Variants in CTIF observed in about 807,000 individuals in gnomAD.
CTIF encodes cap binding complex dependent translation initiation factor, also known as CBP80/20-dependent translation initiation factor.
In CTIF, 21 loss-of-function variants were observed where a neutral mutation model predicts 66.0. The ratio of observed to expected loss-of-function variants is 0.32; its 90% CI spans 0.23 to 0.46. The LOEUF (loss-of-function observed/expected upper bound fraction) is 0.46. CTIF is among the 20% of genes least tolerant of loss of function. The probability of loss-of-function intolerance (pLI) is 1.00; values close to 1 mark genes in which losing one functional copy is unlikely to be tolerated. For synonymous variants in CTIF, 345 were observed against 326.4 expected (o/e 1.06, Z -0.62); for missense variants, 739 against 812.7 (o/e 0.91, Z 1.10).
intron 10 of CTIF, among the ~76,000 whole-genome samples, chr18:48,821,301 C>G (rs1241612922): frequency 6.6e-6 from 1 of 152,218 alleles, no homozygotes; most frequent in Non-Finnish European, 1.5e-5. Context: ...TGCATGGACG[C>G]CTCCATCTCA....
At chr18:48,657,416 T>C (rs556911970) in intron 3 of CTIF, among the ~76,000 whole-genome samples, 1 of 152,188 alleles carries the variant, frequency 6.6e-6, no homozygotes, top group Non-Finnish European at 1.5e-5. Context: ...ATGAGGACCA[T>C]TTAGAGGAAT....
intron 6 of CTIF, among the ~76,000 whole-genome samples, chr18:48,710,178 A>T (rs76592624): frequency 4.6e-4 from 70 of 152,322 alleles, no homozygotes; most frequent in African/African-American, 1.6e-3. Context: ...CATGTGCCCC[A>T]CCACAGGGTG....
intron 9 of CTIF, among the ~76,000 whole-genome samples, chr18:48,783,102 A>T (rs915565574): frequency 7.2e-5 from 11 of 151,948 alleles, no homozygotes; most frequent in Non-Finnish European, 1.3e-4. Flanking sequence ...CTCCCTTCCT[A>T]TCTGGGAAAG....
At chr18:48,587,809 A>C (rs1217510692) in intron 1 of CTIF, among the ~76,000 whole-genome samples, 1 of 152,236 alleles carries the variant, frequency 6.6e-6, no homozygotes, top group Non-Finnish European at 1.5e-5. Flanking sequence ...TGGGTTATGA[A>C]AAACAAAATC....
chr18:48,757,840 T>C, intron 7 of CTIF, 79 bp from the exon 8 acceptor site: 1 of 1,517,890 alleles, frequency 6.6e-7, no homozygotes. Flanking sequence ...AATGACTTCC[T>C]GTTCTGGCGG....
At chr18:48,716,489 C>G (rs1443367949) in intron 7 of CTIF, among the ~76,000 whole-genome samples, 2 of 152,082 alleles carry the variant, frequency 1.3e-5, no homozygotes, top group East Asian at 3.9e-4. Context: ...TTGACCGTGA[C>G]TGTGGCTTGG....
rs529780695 is a variant in CTIF at position 48,713,770 on chromosome 18, G to C, written c.584+2075G>C. ...CTGCCTCCATGTCCACAGGGACCCAGACTAGAGGAAGTCAGCTTGGATGGA... is the reference window on the plus strand; with the variant it reads ...CTGCCTCCATGTCCACAGGGACCCACACTAGAGGAAGTCAGCTTGGATGGA... On this transcript the variant is annotated intron_variant, in intron 7 of 11. Transcript: ENST00000256413. 2.6e-5 allele frequency among the ~76,000 whole-genome samples: 4 copies of C among 152,348 alleles called. No individual in the cohort carries two copies. The East Asian group carries it at 7.7e-4, about 29-fold the overall frequency.
chr18:48,695,595 C>T (rs553657090), intron 6 of CTIF, among the ~76,000 whole-genome samples: 2 of 152,306 alleles, frequency 1.3e-5, no homozygotes, highest in South Asian at 4.2e-4. Flanking sequence ...ATCCAGCCCT[C>T]CTTTTCCTCA....
At chr18:48,541,921 C>T (rs975473006) in intron 1 of CTIF, among the ~76,000 whole-genome samples, 1 of 151,290 alleles carries the variant, frequency 6.6e-6, no homozygotes, top group Admixed American at 6.6e-5. Flanking sequence ...TACGGATGAA[C>T]ACACTGAGGC....
chr18:48,827,783 C>G (rs1420299579), intron 10 of CTIF, among the ~76,000 whole-genome samples: 4 of 152,136 alleles, frequency 2.6e-5, no homozygotes, highest in Non-Finnish European at 4.4e-5. Flanking sequence ...TTCCTGTAAC[C>G]TCCGCCGAAA....
At chr18:48,854,891 T>A (rs1470158574) in intron 10 of CTIF, among the ~76,000 whole-genome samples, 2 of 152,218 alleles carry the variant, frequency 1.3e-5, no homozygotes, top group Admixed American at 1.3e-4. Flanking sequence ...ATGTATACAA[T>A]GTGGAGTGAT....
chr18:48,774,125 G>T (rs1200019455), intron 9 of CTIF, among the ~76,000 whole-genome samples: 1 of 152,148 alleles, frequency 6.6e-6, no homozygotes, highest in East Asian at 1.9e-4. Flanking sequence ...CTGTTGCAGG[G>T]GCAGCCATCA....
intron 8 of CTIF, chr18:48,760,338 C>G (rs1908860411): frequency 6.6e-6 from 1 of 152,150 alleles, no homozygotes; most frequent in Non-Finnish European, 1.5e-5. Flanking sequence ...AAGCCAGAGA[C>G]TAGCTGCCCT....
rs2091522705 is a variant in CTIF, at chr18:48,670,875, G to A, written c.507+131G>A. The A allele has an allele frequency of 5.6e-6, 4 of 716,410 alleles. No individual in the cohort carries two copies. In the East Asian group the frequency reaches 1.1e-4, roughly 19 times the overall value. 44.4% of individuals were successfully genotyped at this position (716,410 alleles called of 1,614,324 possible). On this transcript the variant is annotated intron_variant, in intron 6 of 11. Coordinates refer to ENST00000256413, the MANE Select transcript of CTIF (RefSeq NM_014772.3). ...AGCAAGGAGTGTAACCGCCTGTATG[G>A]TAGTAATAGGCAGGGCTGGCTACCT...
chr18:48,699,684 C>T (rs775817055), intron 6 of CTIF, among the ~76,000 whole-genome samples: 4 of 152,170 alleles, frequency 2.6e-5, no homozygotes, highest in Admixed American at 1.3e-4. Context: ...CCACATGCAG[C>T]GGGGCATTCT....
intron 5 of CTIF, 54 bp downstream of exon 5, chr18:48,664,605 G>C: frequency 6.7e-7 from 1 of 1,497,192 alleles, no homozygotes; most frequent in Non-Finnish European, 9.2e-7. Flanking sequence ...GGACGGGAGT[G>C]GCCTTTGCCT....
At chr18:48,680,120 GGA>G (rs1366638399) in intron 6 of CTIF, among the ~76,000 whole-genome samples, 21 of 152,330 alleles carry the variant, frequency 1.4e-4, no homozygotes, top group Middle Eastern at 3.4e-3. Flanking sequence ...CCCTCCTCCT[GGA>G]GACCAAGAGG....
chr18:48,541,379 A>C (rs8093379), intron 1 of CTIF, among the ~76,000 whole-genome samples: 130,424 of 152,180 alleles, frequency 0.86, 55,958 homozygotes, highest in East Asian at 1. Flanking sequence ...ACAGCGCGAG[A>C]GAGCGCCGCC....
At position 48,737,592 on chromosome 18, in the gene CTIF, T is replaced by C. The variant is rs545845486; in HGVS notation, c.585-20327T>C. Among the ~76,000 whole-genome samples, 16 of 151,752 alleles carry C rather than the reference T, an allele frequency of 1.1e-4. No individual in the cohort carries two copies. The South Asian group carries it at 3.1e-3, about 30-fold the overall frequency. The stretch of plus-strand genomic sequence containing the variant: ...CCTAAAAATCAAAAGCAGAAGGAAA[T>C]ACATGAACCTTACTAATGTTAACTG... On this transcript the variant is annotated intron_variant, in intron 7 of 11. Transcript: ENST00000256413.
Sources: gnomAD v4.1 joint callset for allele counts (sites outside exome capture counted in the v4.1 genomes callset) on GRCh38, gnomAD v4.1.1 for gene constraint, MANE v1.5 for transcripts, NCBI Gene and HGNC (gene_info 2026-07-23, HGNC 2026-07-21) for gene names.